Variants in SEC24A observed in about 807,000 individuals in gnomAD.
SEC24A encodes protein transport protein Sec24A.
A neutral mutation model predicts 129.4 loss-of-function variants in SEC24A; 93 were observed. That is an observed-to-expected ratio of 0.72 (90% confidence interval 0.61 to 0.85). The LOEUF is 0.85. Among genes scored for constraint, SEC24A ranks in the 40% least tolerant of loss-of-function variants. The pLI is 0.00. For synonymous variants in SEC24A, 460 were observed against 467.3 expected, an observed-to-expected ratio of 0.98 and a Z score of 0.20; for missense variants, 1,264 against 1,307.4, an observed-to-expected ratio of 0.97 and a Z score of 0.51.
chr5:134,719,244 T>C (rs893167817), intron 20 of SEC24A, among the ~76,000 whole-genome samples: 4 of 151,748 alleles, frequency 2.6e-5, no homozygotes, highest in Non-Finnish European at 5.9e-5. Context: ...TAGCCAGACA[T>C]AGTGGCTCCA....
At chr5:134,718,021 C>G (rs1227828459) in intron 19 of SEC24A, 48 bp from the exon 20 acceptor site, 1 of 1,406,134 alleles carries the variant, frequency 7.1e-7, no homozygotes, top group Non-Finnish European at 1.0e-6. Context: ...AACTGTGACT[C>G]CATATTTCCT....
At chr5:134,712,926 ATT>A (rs754704811) in intron 18 of SEC24A, among the ~76,000 whole-genome samples, 10 of 102,686 alleles carry the variant, frequency 9.7e-5, no homozygotes, top group Admixed American at 2.1e-4. Context: ...AAATATTTAA[ATT>A]TTTTTTTTTT....
chr5:134,676,037 C>T lies in SEC24A; in HGVS notation c.1166C>T (p.Thr389Met), dbSNP rs763013863. 32 of 1,608,560 alleles carry T rather than the reference C, an allele frequency of 2.0e-5. No homozygotes were observed. The highest frequency in any genetic ancestry group is 4.4e-5 in the South Asian group (4 of 89,894). Residue 389 changes from threonine to methionine, a missense_variant, in exon 7 of 23, where the codon ACG becomes ATG. By Grantham distance (81) the Thr-to-Met change is moderately conservative. Coordinates refer to ENST00000398844, the MANE Select transcript of SEC24A (RefSeq NM_021982.3). ...CTTTGATATAGGTTATTTCGATGCA[C>T]GCTGACTAGCATTCCTCAGACGCAG... ...LNCNPELFRCTLTSIPQTQAL... is the reference protein window; with the variant it reads ...LNCNPELFRCMLTSIPQTQAL...
intron 17 of SEC24A, among the ~76,000 whole-genome samples, chr5:134,707,022 G>A (rs1049442180): frequency 1.3e-5 from 2 of 151,990 alleles, no homozygotes; most frequent in Non-Finnish European, 2.9e-5. Flanking sequence ...AATTTTTTTA[G>A]AGACAGAGTC....
At chr5:134,695,598 A>G (rs575436007) in intron 13 of SEC24A, among the ~76,000 whole-genome samples, 3 of 152,226 alleles carry the variant, frequency 2.0e-5, no homozygotes, top group Admixed American at 1.3e-4. Flanking sequence ...TAGCCTGACC[A>G]ACATGGTGAA....
intron 3 of SEC24A, 142 bp downstream of exon 3, chr5:134,667,138 A>AAT (rs757594754): frequency 1.8e-5 from 11 of 619,060 alleles, no homozygotes; most frequent in Middle Eastern, 4.5e-4. Context: ...AGGAATTTAC[A>AAT]ATTTAAAGTT....
intron 15 of SEC24A, among the ~76,000 whole-genome samples, chr5:134,700,780 ACGATCTCCGCTCACTG>A (rs1751982703): frequency 1.3e-5 from 2 of 150,738 alleles, no homozygotes; most frequent in South Asian, 2.1e-4. Context: ...GTTCAGTGGC[ACGATCTCCGCTCACTG>A]CAAGCTCCGC....
Position 134,661,461 on chromosome 5 carries a change from C to G in SEC24A, c.440C>G (p.Ser147Ter). The change falls in exon 2 of 23, where the codon TCA (serine) becomes TGA (stop). Residue 147 changes from serine (S) to a stop codon, truncating the protein, a stop_gained. Coordinates refer to ENST00000398844, the MANE Select transcript of SEC24A (RefSeq NM_021982.3). LOFTEE classifies it high-confidence loss of function. The stretch of plus-strand genomic sequence containing the variant: ...CAATATAACTATCCATCCACAGCCT[C>G]ACAAACAAACCATTGTCCTCGTGCA... ...NWQYNYPSTA[S>*]QTNHCPRASS... is the part of the protein sequence containing the mutation. The G allele has an allele frequency of 1.9e-6, 3 of 1,614,224 alleles. No homozygotes were observed. Among genetic ancestry groups the G allele is most frequent in the Non-Finnish European group, 2.5e-6 (3 of 1,180,036 alleles).
chr5:134,673,602 C>G (rs1192722788), intron 4 of SEC24A, among the ~76,000 whole-genome samples: 1 of 151,940 alleles, frequency 6.6e-6, no homozygotes, highest in Non-Finnish European at 1.5e-5. Flanking sequence ...GAACTACAGG[C>G]ACATGCCACC....
At position 134,661,726 on chromosome 5, in the gene SEC24A, G is replaced by A. The variant is rs1322107523; in HGVS notation, c.565+140G>A. Reference sequence around the variant, plus strand: ...TATTAGTAGTTTTTTGTTGTTTTTTGTTTTTCGGCTTTCCAGCAAAAACCA... The same window carrying A: ...TATTAGTAGTTTTTTGTTGTTTTTTATTTTTCGGCTTTCCAGCAAAAACCA... On this transcript the variant is annotated intron_variant, in intron 2 of 22. Coordinates refer to ENST00000398844, the MANE Select transcript of SEC24A (RefSeq NM_021982.3). The A allele has an allele frequency of 8.0e-6, 6 of 745,488 alleles. No homozygotes were observed. In the East Asian group the frequency reaches 1.4e-4, roughly 17 times the overall value. 46.2% of individuals were successfully genotyped at this position (745,488 alleles called of 1,614,324 possible).
chr5:134,709,613 G>C (rs568718319), intron 18 of SEC24A, among the ~76,000 whole-genome samples: 2 of 152,146 alleles, frequency 1.3e-5, no homozygotes, highest in Non-Finnish European at 2.9e-5. Flanking sequence ...GAGGCTGGGT[G>C]GTGGGGCAGG....
At position 134,693,448 on chromosome 5, in the gene SEC24A, A is replaced by C. The variant is rs972594967; in HGVS notation, c.1780-279A>C. The C allele has an allele frequency of 2.2e-6, 3 of 1,371,226 alleles. No individual in the cohort carries two copies. The South Asian group carries it at 5.1e-5, about 23-fold the overall frequency. The allele number at this position is 1,371,226 out of a possible 1,614,324, so 84.9% of individuals were successfully genotyped here. A position where few individuals can be genotyped will look rare whatever the true frequency, so the allele number is the denominator to read the frequency against. On this transcript the variant is annotated intron_variant, in intron 12 of 22. Coordinates refer to ENST00000398844, the MANE Select transcript of SEC24A (RefSeq NM_021982.3). ...GCATTAAAATACATCAAATCTCTAA[A>C]CTGTGATGGTTCTTTTGGATACATT...
chr5:134,671,815 C>T lies in SEC24A; in HGVS notation c.746C>T (p.Thr249Ile), dbSNP rs1191577329. Residue 249 changes from threonine (T) to isoleucine (I), a missense_variant, in exon 4 of 23, where the codon ACA becomes ATA. By Grantham distance (89) the Thr-to-Ile change is moderately conservative. Coordinates refer to ENST00000398844, the MANE Select transcript of SEC24A (RefSeq NM_021982.3). ...FNSAVNQEGI[T>I]SNTNNGSMVV... ...TGATGAACTTCCTTCTTAGGTATTA[C>T]ATCAAATACCAATAACGGATCTATG... is the stretch of plus-strand genomic sequence containing the variant. 2 of 1,586,106 alleles carry T rather than the reference C, an allele frequency of 1.3e-6. No homozygotes were observed. The highest frequency in any genetic ancestry group is 2.3e-5 in the South Asian group (2 of 86,384).
chr5:134,659,198 A>G (rs1750357630), intron 1 of SEC24A, among the ~76,000 whole-genome samples: 1 of 151,574 alleles, frequency 6.6e-6, no homozygotes, highest in Non-Finnish European at 1.5e-5. Flanking sequence ...CAGCCTCCCG[A>G]GTAGCTGGGA....
rs70976550 is a variant in SEC24A, at chr5:134,657,182, G to GCACACACA, written c.98-3912_98-3905dup. On this transcript the variant is annotated intron_variant, in intron 1 of 22. Transcript: ENST00000398844. ...GAGCGAGACCTCATTTCTGAAAAAC[G>GCACACACA]CACACACACACACACACACACACAC... 1.5e-3 allele frequency among the ~76,000 whole-genome samples: 202 copies of GCACACACA among 136,312 alleles called. 3 individuals carry two copies. The highest frequency in any genetic ancestry group is 3.7e-3 in the Middle Eastern group (1 of 270). 89.4% of individuals were successfully genotyped at this position (136,312 alleles called of 152,430 possible).
At chr5:134,669,784 A>G (rs115844994) in intron 3 of SEC24A, among the ~76,000 whole-genome samples, 12 of 152,122 alleles carry the variant, frequency 7.9e-5, no homozygotes, top group Non-Finnish European at 1.3e-4. Context: ...GCCCCAGAAA[A>G]AAAAAACTTT....
At chr5:134,713,117 G>A (rs1752378941) in intron 18 of SEC24A, among the ~76,000 whole-genome samples, 1 of 151,484 alleles carries the variant, frequency 6.6e-6, no homozygotes, top group Admixed American at 6.6e-5. Flanking sequence ...ATTTTTAGTA[G>A]AGACGGGGTT....
chr5:134,724,905 G>C, intron 22 of SEC24A, 75 bp from the exon 23 acceptor site: 1 of 741,980 alleles, frequency 1.3e-6, no homozygotes, highest in Non-Finnish European at 2.4e-6. Flanking sequence ...AGGGTTATGA[G>C]GAAATCAAAA....
intron 2 of SEC24A, among the ~76,000 whole-genome samples, chr5:134,666,452 G>A (rs1408076966): frequency 6.6e-6 from 1 of 152,132 alleles, no homozygotes; most frequent in East Asian, 1.9e-4. Flanking sequence ...TCCTACTCAG[G>A]AGGCTGAGGC....
Sources: allele counts gnomAD v4.1 joint callset (sites outside exome capture counted in the v4.1 genomes callset), GRCh38; gene constraint gnomAD v4.1.1; transcripts MANE v1.5; gene names NCBI Gene and HGNC (gene_info 2026-07-23, HGNC 2026-07-21).